TTBK2: variants seen among roughly 807,000 people sequenced by gnomAD.
TTBK2 encodes the protein tau-tubulin kinase 2.
Under a neutral mutation model 110.8 loss-of-function variants are expected in TTBK2, and 28 were observed. The observed-to-expected ratio is 0.25, with a 90% CI of 0.19 to 0.35. The LOEUF (loss-of-function observed/expected upper bound fraction) is 0.35. Among genes scored for constraint, TTBK2 ranks in the 10% least tolerant of loss-of-function variants. The pLI is 1.00. For missense variants in TTBK2, 1,369 were observed against 1,500.3 expected (o/e 0.91, Z 1.45); for synonymous variants, 532 against 527.3 (o/e 1.01, Z -0.12).
At chr15:42,756,591 A>AAAC (rs2061950708) in intron 13 of TTBK2, among the ~76,000 whole-genome samples, 1 of 152,158 alleles carries the variant, frequency 6.6e-6, no homozygotes, top group African/African-American at 2.4e-5. Flanking sequence ...GTCTCAAAAC[A>AAAC]AAACAAACAA....
At position 42,884,135 on chromosome 15, in the gene TTBK2, G is replaced by A. The variant is rs181075931; in HGVS notation, c.-67-5451C>T. 3.3e-3 allele frequency among the ~76,000 whole-genome samples: 495 copies of A among 152,142 alleles called. 1 individual carries two copies. Among genetic ancestry groups the A allele is most frequent in the Middle Eastern group, 0.02 (6 of 294 alleles). ...TGAAATAAAAATCAATGAACTGAAAGGAGAAACAGACAAATCCGTGGTTAT... is the reference window on the plus strand; with the variant it reads ...TGAAATAAAAATCAATGAACTGAAAAGAGAAACAGACAAATCCGTGGTTAT... On this transcript the variant is annotated intron_variant, in intron 1 of 14. Transcript: ENST00000267890.
chr15:42,815,637 A>G (rs1891906687), intron 7 of TTBK2, among the ~76,000 whole-genome samples: 2 of 151,778 alleles, frequency 1.3e-5, no homozygotes, highest in South Asian at 4.2e-4. Context: ...ATTTAACCCA[A>G]GAGGAAAGGG....
chr15:42,794,269 A>G (rs1272734047), intron 10 of TTBK2, among the ~76,000 whole-genome samples: 2 of 152,214 alleles, frequency 1.3e-5, no homozygotes, highest in Admixed American at 6.5e-5. Flanking sequence ...AACATGTTAC[A>G]TGCTTTGTTC....
At chr15:42,767,713 A>G (rs1334350295) in intron 13 of TTBK2, among the ~76,000 whole-genome samples, 2 of 152,202 alleles carry the variant, frequency 1.3e-5, no homozygotes, top group African/African-American at 4.8e-5. Context: ...TTCTTTCTGA[A>G]ACTATTCCAA....
chr15:42,801,202 C>T (rs1260053622), intron 9 of TTBK2: 1 of 1,519,020 alleles, frequency 6.6e-7, no homozygotes, highest in East Asian at 2.2e-5. Flanking sequence ...TTCTGCATCC[C>T]AGACTCCAGC....
chr15:42,750,741 A>G (rs188946878), intron 14 of TTBK2, among the ~76,000 whole-genome samples: 7 of 152,300 alleles, frequency 4.6e-5, no homozygotes, highest in Non-Finnish European at 8.8e-5. Context: ...CATAAGAGAC[A>G]TGAATATACA....
chr15:42,824,550 G>T (rs1469340321), intron 6 of TTBK2, among the ~76,000 whole-genome samples: 3 of 152,150 alleles, frequency 2.0e-5, no homozygotes, highest in African/African-American at 7.2e-5. Flanking sequence ...AATGCTTAAA[G>T]TAATATGTCA....
rs930003099 is a variant in TTBK2 at position 42,740,770 on chromosome 15, T to C, written c.*5025A>G. 6.6e-6 allele frequency: 1 copy of C among 152,262 alleles called. No individual in the cohort carries two copies. The highest frequency in any genetic ancestry group is 2.4e-5 in the African/African-American group (1 of 41,430). The allele number at this position is 152,262 out of a possible 1,614,324, so 9.4% of individuals were successfully genotyped here. ...CGGGGTTTCACCCTGTTAGCCAGGA[T>C]GGTCTCGATCTCCTCACCTCGTGAT... On this transcript the variant is annotated 3_prime_UTR_variant, in exon 15 of 15. Coordinates refer to ENST00000267890, the MANE Select transcript of TTBK2 (RefSeq NM_173500.4).
intron 9 of TTBK2, among the ~76,000 whole-genome samples, chr15:42,805,485 C>G (rs1243544062): frequency 1.3e-5 from 2 of 152,160 alleles, no homozygotes; most frequent in African/African-American, 4.8e-5. Context: ...CCAGGTAGGG[C>G]ACACTGGGAG....
chr15:42,905,964 C>A (rs181070956), intron 1 of TTBK2, among the ~76,000 whole-genome samples: 1 of 152,072 alleles, frequency 6.6e-6, no homozygotes, highest in Non-Finnish European at 1.5e-5. Flanking sequence ...CAACACAGGC[C>A]GATCACCTGA....
chr15:42,860,640 CTT>C (rs796405914), intron 3 of TTBK2, among the ~76,000 whole-genome samples: 25 of 102,098 alleles, frequency 2.4e-4, no homozygotes, highest in Admixed American at 4.2e-4. Context: ...GGTATTCTTT[CTT>C]TTTTTTTTTT....
At chr15:42,797,648 C>G (rs1891002697) in intron 9 of TTBK2, among the ~76,000 whole-genome samples, 2 of 152,104 alleles carry the variant, frequency 1.3e-5, no homozygotes, top group Admixed American at 1.3e-4. Context: ...CAGGGACTTA[C>G]TTTTTTTGGT....
At position 42,827,963 on chromosome 15, in the gene TTBK2, G is replaced by A; in HGVS notation, c.502C>T (p.Arg168Ter). The change falls in exon 6 of 15, where the codon CGA becomes TGA. Residue 168 changes from arginine to a stop codon, truncating the protein, a stop_gained. Coordinates refer to ENST00000267890, the MANE Select transcript of TTBK2 (RefSeq NM_173500.4). LOFTEE classifies it high-confidence loss of function. ...TCACCACAGGAATTGGTAAATTGTCGAGCCAAGCCAAAATCAAGCATGTAA... is the reference window on the plus strand; with the variant it reads ...TCACCACAGGAATTGGTAAATTGTCAAGCCAAGCCAAAATCAAGCATGTAA... ...KCYMLDFGLARQFTNSCGDVR... is the reference protein window; with the variant it reads ...KCYMLDFGLA The A allele has an allele frequency of 1.2e-6, 2 of 1,613,470 alleles. No homozygotes were observed. The highest frequency in any genetic ancestry group is 1.7e-6 in the Non-Finnish European group (2 of 1,179,762).
chr15:42,839,713 T>C (rs1438604308), intron 4 of TTBK2, among the ~76,000 whole-genome samples: 1 of 152,212 alleles, frequency 6.6e-6, no homozygotes, highest in Non-Finnish European at 1.5e-5. Context: ...TGTTGAACAT[T>C]CTTTCATATG....
At chr15:42,885,441 T>G (rs979807112) in intron 1 of TTBK2, among the ~76,000 whole-genome samples, 1 of 152,228 alleles carries the variant, frequency 6.6e-6, no homozygotes, top group Non-Finnish European at 1.5e-5. Flanking sequence ...ATTCCTTTCA[T>G]TTCTGGTAGA....
intron 13 of TTBK2, among the ~76,000 whole-genome samples, chr15:42,767,406 A>G (rs961198100): frequency 2.0e-5 from 3 of 152,200 alleles, no homozygotes; most frequent in Non-Finnish European, 4.4e-5. Flanking sequence ...AATCAAATAG[A>G]CGCAATAAAA....
Position 42,744,405 on chromosome 15 carries a change from CAT to C in TTBK2, c.*1388_*1389del, listed in dbSNP as rs1252315915. 1.3e-5 allele frequency: 2 copies of C among 152,258 alleles called. No individual in the cohort carries two copies. The highest frequency in any genetic ancestry group is 6.6e-5 in the Admixed American group (1 of 15,254). The allele number at this position is 152,258 out of a possible 1,614,324, so 9.4% of individuals were successfully genotyped here. A position where few individuals can be genotyped will look rare whatever the true frequency, so the allele number is the denominator to read the frequency against. On this transcript the variant is annotated 3_prime_UTR_variant, in exon 15 of 15. Transcript: ENST00000267890. ...CAAACACAAGGTCAAACAGAAAGCA[CAT>C]ATGTTTGCTAGAAGGCAAATTTCAA...
At chr15:42,920,973 C>T (rs948908948), upstream of TTBK2, among the ~76,000 whole-genome samples, 1 of 152,184 alleles carries the variant, frequency 6.6e-6, no homozygotes, top group East Asian at 1.9e-4. Context: ...CAGAAACCGT[C>T]TCCGCCCCCC....
intron 1 of TTBK2, among the ~76,000 whole-genome samples, chr15:42,913,958 A>T (rs1244196287): frequency 6.6e-6 from 1 of 151,960 alleles, no homozygotes; most frequent in Non-Finnish European, 1.5e-5. Context: ...TCACTGCAAT[A>T]ACATTTTAAG....
Sources: allele counts gnomAD v4.1 joint callset (sites outside exome capture counted in the v4.1 genomes callset), GRCh38; gene constraint gnomAD v4.1.1; transcripts MANE v1.5; gene names NCBI Gene and HGNC (gene_info 2026-07-23, HGNC 2026-07-21).